Variants in DGKI observed in about 807,000 individuals in gnomAD.
DGKI encodes DAG kinase iota.
Under a neutral mutation model 147.5 loss-of-function variants are expected in DGKI, and 55 were observed. The ratio of observed to expected loss-of-function variants is 0.37; its 90% CI spans 0.30 to 0.47. The LOEUF is 0.47. Ranked by LOEUF, DGKI falls within the 20% of genes least tolerant of loss-of-function variation. DGKI has a pLI of 1.00. For synonymous variants in DGKI, 469 were observed against 477.1 expected (o/e 0.98, Z 0.22); for missense variants, 1,007 against 1,323.8 (o/e 0.76, Z 3.71).
rs146392028 is a variant in DGKI, at chr7:137,493,691, A to G, written c.2249-6002T>C. 9.0e-4 allele frequency: 623 copies of G among 693,630 alleles called. 4 individuals carry two copies. In the African/African-American group the frequency reaches 0.01, roughly 11 times the overall value. 43.0% of individuals were successfully genotyped at this position (693,630 alleles called of 1,614,324 possible). ...CCAAAAAAACATCTAAAAGATAGCA[A>G]CTTCAAAGACTGAAGGAAAATCAGC... On this transcript the variant is annotated intron_variant, in intron 21 of 32. Transcript: ENST00000614521.
intron 19 of DGKI, among the ~76,000 whole-genome samples, chr7:137,564,683 T>C (rs1818524452): frequency 1.3e-5 from 2 of 152,252 alleles, no homozygotes; most frequent in South Asian, 4.1e-4. Flanking sequence ...AAAACATATA[T>C]AATTCCTTTA....
At chr7:137,739,648 A>G (rs1442451021) in intron 1 of DGKI, among the ~76,000 whole-genome samples, 1 of 152,170 alleles carries the variant, frequency 6.6e-6, no homozygotes, top group Non-Finnish European at 1.5e-5. Context: ...CACACAACAT[A>G]GTCAGAATGG....
chr7:137,733,260 G>C (rs1313757073), intron 1 of DGKI, among the ~76,000 whole-genome samples: 1 of 151,880 alleles, frequency 6.6e-6, no homozygotes, highest in African/African-American at 2.4e-5. Flanking sequence ...CCTCCATTCA[G>C]CACCTGGTAA....
chr7:137,742,785 C>G (rs1795216292), intron 1 of DGKI, among the ~76,000 whole-genome samples: 1 of 151,738 alleles, frequency 6.6e-6, no homozygotes, highest in Admixed American at 6.6e-5. Context: ...AGGCTTGATC[C>G]CAGAAGTAAC....
chr7:137,605,840 G>A (rs1193875839), intron 10 of DGKI, among the ~76,000 whole-genome samples: 4 of 152,294 alleles, frequency 2.6e-5, no homozygotes, highest in African/African-American at 4.8e-5. Flanking sequence ...ATGACCAGAC[G>A]TTGGACAGTG....
chr7:137,440,460 G>T (rs1255794365), intron 28 of DGKI, among the ~76,000 whole-genome samples: 1 of 152,200 alleles, frequency 6.6e-6, no homozygotes, highest in Non-Finnish European at 1.5e-5. Flanking sequence ...ATATACTCTT[G>T]TTAGAGGAGG....
At position 137,453,894 on chromosome 7, in the gene DGKI, C is replaced by A. The variant is rs150972406; in HGVS notation, c.2735+9595G>T. ...CCTACCCAAATATATGCCTTGATGA[C>A]CCCCATGTGAGCTGGGCTTGAAATA... On this transcript the variant is annotated intron_variant, in intron 27 of 32. Coordinates refer to ENST00000614521, the MANE Select transcript of DGKI (RefSeq NM_001321708.2). Among the ~76,000 whole-genome samples the A allele has an allele frequency of 1.9e-3, 292 of 151,910 alleles. 1 individual carries two copies. The highest frequency in any genetic ancestry group is 6.7e-3 in the African/African-American group (276 of 41,444).
At chr7:137,783,719 G>C (rs1796587244) in intron 1 of DGKI, among the ~76,000 whole-genome samples, 1 of 152,244 alleles carries the variant, frequency 6.6e-6, no homozygotes, top group Non-Finnish European at 1.5e-5. Flanking sequence ...CTTAAGAGCT[G>C]TGAGGCAAAA....
chr7:137,624,357 A>T (rs1415591055), intron 6 of DGKI, among the ~76,000 whole-genome samples: 1 of 152,208 alleles, frequency 6.6e-6, no homozygotes, highest in African/African-American at 2.4e-5. Context: ...GCCACAATAA[A>T]AAATGTTAAA....
chr7:137,662,963 GAT>G (rs1335120728), intron 3 of DGKI, among the ~76,000 whole-genome samples: 2 of 152,170 alleles, frequency 1.3e-5, no homozygotes, highest in Non-Finnish European at 2.9e-5. Flanking sequence ...TCTTACAAAG[GAT>G]ACACCAAAAT....
At chr7:137,449,462 C>G (rs1460495986) in intron 27 of DGKI, among the ~76,000 whole-genome samples, 1 of 152,184 alleles carries the variant, frequency 6.6e-6, no homozygotes, top group Non-Finnish European at 1.5e-5. Context: ...TAGACTCTTA[C>G]TGCACACCAT....
chr7:137,846,440 G>A lies in DGKI; in HGVS notation c.401+22C>T. 1 of 1,554,402 alleles carries A rather than the reference G, an allele frequency of 6.4e-7. No homozygotes were observed. Among genetic ancestry groups the A allele is most frequent in the East Asian group, 2.5e-5 (1 of 40,418 alleles). On this transcript the variant is annotated intron_variant, in intron 1 of 32. Transcript: ENST00000614521. This position sits in a 1 kb window ranked among gnomAD's most constrained non-coding sequence, Gnocchi z 4.0. ...CTCCCGCCGCGGCGCACCTGTCTCG[G>A]CTGCCGGCTCCCCGCACCTACCTGT...
intron 6 of DGKI, among the ~76,000 whole-genome samples, chr7:137,627,085 C>CTATT (rs1263164817): frequency 1.3e-5 from 2 of 152,186 alleles, no homozygotes; most frequent in East Asian, 1.9e-4. Flanking sequence ...TTTTATAGTT[C>CTATT]TATTTATTTA....
chr7:137,841,787 G>A (rs185743688), intron 1 of DGKI, among the ~76,000 whole-genome samples: 117 of 152,282 alleles, frequency 7.7e-4, no homozygotes, highest in African/African-American at 2.6e-3. Flanking sequence ...TAGAAAGTGC[G>A]GTGTTGGAAA....
chr7:137,523,712 A>C (rs1020321108), intron 20 of DGKI, among the ~76,000 whole-genome samples: 1 of 152,154 alleles, frequency 6.6e-6, no homozygotes, highest in Non-Finnish European at 1.5e-5. Context: ...GACATCAAAA[A>C]GGTATGGACA....
chr7:137,453,867 C>T (rs536290639), intron 27 of DGKI, among the ~76,000 whole-genome samples: 8 of 151,982 alleles, frequency 5.3e-5, no homozygotes, highest in African/African-American at 1.7e-4. Context: ...CTTTAAGACT[C>T]ACCTACCCAA....
At chr7:137,608,242 A>G (rs1203893350) in intron 10 of DGKI, among the ~76,000 whole-genome samples, 1 of 152,200 alleles carries the variant, frequency 6.6e-6, no homozygotes, top group Non-Finnish European at 1.5e-5. Flanking sequence ...CAAACTCAGA[A>G]GAAAATAACA....
intron 4 of DGKI, among the ~76,000 whole-genome samples, chr7:137,655,859 C>T (rs534765668): frequency 6.6e-6 from 1 of 152,290 alleles, no homozygotes; most frequent in East Asian, 1.9e-4. Flanking sequence ...GGATGGCAGG[C>T]AACTCACTAT....
chr7:137,497,752 C>T (rs1373802177), intron 21 of DGKI, among the ~76,000 whole-genome samples: 1 of 152,018 alleles, frequency 6.6e-6, no homozygotes, highest in Non-Finnish European at 1.5e-5. Flanking sequence ...AAATATTCCC[C>T]ACCTTTGTGT....
Sources: allele counts gnomAD v4.1 joint callset (sites outside exome capture counted in the v4.1 genomes callset), GRCh38; gene constraint gnomAD v4.1.1; non-coding constraint Gnocchi (gnomAD v3.1); transcripts MANE v1.5; gene names NCBI Gene and HGNC (gene_info 2026-07-23, HGNC 2026-07-21).